The following GABRR2 variants were observed in gnomAD, a reference collection of about 807,000 sequenced individuals.
GABRR2 encodes the protein gamma-aminobutyric acid type A receptor subunit rho2, also known as gamma-aminobutyric acid receptor subunit rho-2.
A neutral mutation model predicts 47.0 loss-of-function variants in GABRR2; 36 were observed. The ratio of observed to expected loss-of-function variants is 0.77; its 90% CI spans 0.59 to 1.01. The LOEUF (loss-of-function observed/expected upper bound fraction) is 1.01. Ranked by LOEUF, GABRR2 falls within the 50% of genes least tolerant of loss-of-function variation. The pLI is 0.00. For synonymous variants in GABRR2, 204 were observed against 227.5 expected (o/e 0.90, Z 0.93); for missense variants, 587 against 594.6 (o/e 0.99, Z 0.13).
At chr6:89,267,629 A>G in intron 6 of GABRR2, 50 bp downstream of exon 6, 1 of 1,552,220 alleles carries the variant, frequency 6.4e-7, no homozygotes, top group Non-Finnish European at 8.7e-7. Context: ...AGAAGAATTC[A>G]AATGTGCTTT....
chr6:89,257,296 G>T lies in GABRR2; in HGVS notation c.*374C>A, dbSNP rs897034319. On this transcript the variant is annotated 3_prime_UTR_variant, in exon 9 of 9. Coordinates refer to ENST00000402938, the MANE Select transcript of GABRR2 (RefSeq NM_002043.5). The stretch of plus-strand genomic sequence containing the variant: ...TCCTATCCAGAATGCCCCTAAGCTT[G>T]TACTTCAGTTTTTCCTTTTCCCTCC... 1.9e-5 allele frequency: 4 copies of T among 205,550 alleles called. No individual in the cohort carries two copies. The highest frequency in any genetic ancestry group is 4.0e-5 in the Non-Finnish European group (4 of 101,174). The allele number at this position is 205,550 out of a possible 1,614,324, so 12.7% of individuals were successfully genotyped here.
Position 89,304,337 on chromosome 6 carries a change from A to AG in GABRR2, c.114-4473dup, listed in dbSNP as rs200033154. Among the ~76,000 whole-genome samples, 556 of 152,332 alleles carry AG rather than the reference A, an allele frequency of 3.6e-3. 7 individuals are homozygous for AG. Among genetic ancestry groups the AG allele is most frequent in the African/African-American group, 0.013 (521 of 41,590 alleles). On this transcript the variant is annotated intron_variant, in intron 1 of 8. Coordinates refer to ENST00000402938, the MANE Select transcript of GABRR2 (RefSeq NM_002043.5). ...TTCCAGCACTTTGAGAGGCTGAGGC[A>AG]GGAGGATCACTTTGAGAAGATGAGG...
At position 89,301,745 on chromosome 6, in the gene GABRR2, G is replaced by C. The variant is rs777370837; in HGVS notation, c.114-1880C>G. On this transcript the variant is annotated intron_variant, in intron 1 of 8. Transcript: ENST00000402938. Reference sequence around the variant, plus strand: ...GAGATGTCAGCAGCCAGCCCAGCCCGCCTGCCCGTCCGCAGCCGCCTGCCA... The same window carrying C: ...GAGATGTCAGCAGCCAGCCCAGCCCCCCTGCCCGTCCGCAGCCGCCTGCCA... 852 of 672,560 alleles carry C rather than the reference G, an allele frequency of 1.3e-3. 3 individuals are homozygous for C. Among genetic ancestry groups the C allele is most frequent in the Non-Finnish European group, 1.8e-3 (667 of 366,592 alleles). The allele number at this position is 672,560 out of a possible 1,614,324, so 41.7% of individuals were successfully genotyped here. A position where few individuals can be genotyped will look rare whatever the true frequency, so the allele number is the denominator to read the frequency against.
intron 2 of GABRR2, among the ~76,000 whole-genome samples, chr6:89,286,514 A>G (rs1049396765): frequency 3.3e-5 from 5 of 152,182 alleles, no homozygotes; most frequent in African/African-American, 1.2e-4. Flanking sequence ...ATCAAGTTGT[A>G]TACCTTAAAT....
intron 2 of GABRR2, among the ~76,000 whole-genome samples, chr6:89,293,978 C>A (rs947680269): frequency 1.3e-5 from 2 of 152,188 alleles, no homozygotes; most frequent in Non-Finnish European, 2.9e-5. Context: ...TTAATCTTTT[C>A]TCTTTCTAGA....
At chr6:89,292,215 A>G (rs1328878704) in intron 2 of GABRR2, among the ~76,000 whole-genome samples, 1 of 151,848 alleles carries the variant, frequency 6.6e-6, no homozygotes, top group Non-Finnish European at 1.5e-5. Context: ...AAAAAATTCC[A>G]TGATGATACT....
intron 2 of GABRR2, among the ~76,000 whole-genome samples, chr6:89,282,706 C>T (rs1031660369): frequency 6.6e-6 from 1 of 152,184 alleles, no homozygotes; most frequent in African/African-American, 2.4e-5. Context: ...CAACAGCAGC[C>T]CAAGCCCACC....
chr6:89,302,816 G>C lies in GABRR2; in HGVS notation c.114-2951C>G, dbSNP rs535752627. On this transcript the variant is annotated intron_variant, in intron 1 of 8. Transcript: ENST00000402938. Reference sequence around the variant, plus strand: ...AGTGGATCCCCAACAACATGAAGGTGGACGTGTGTGACATCCCACCCCCCA... The same window carrying C: ...AGTGGATCCCCAACAACATGAAGGTCGACGTGTGTGACATCCCACCCCCCA... The C allele has an allele frequency of 4.2e-6, 6 of 1,424,594 alleles. No homozygotes were observed. The African/African-American group carries it at 8.6e-5, about 20-fold the overall frequency. The allele number at this position is 1,424,594 out of a possible 1,614,324, so 88.2% of individuals were successfully genotyped here. A position where few individuals can be genotyped will look rare whatever the true frequency, so the allele number is the denominator to read the frequency against.
chr6:89,293,827 T>C (rs997357222), intron 2 of GABRR2, among the ~76,000 whole-genome samples: 16 of 152,140 alleles, frequency 1.1e-4, no homozygotes, highest in African/African-American at 3.4e-4. Context: ...CATTGCAGCA[T>C]TTCTCCCAAC....
intron 1 of GABRR2, among the ~76,000 whole-genome samples, chr6:89,311,382 C>T (rs772809564): frequency 6.6e-6 from 1 of 152,176 alleles, no homozygotes; most frequent in African/African-American, 2.4e-5. Context: ...ATCCCACTGC[C>T]ATTGAGGGCC....
rs1164306539 is a variant in GABRR2 at position 89,280,140 on chromosome 6, T to C, written c.221-8418A>G. Among the ~76,000 whole-genome samples the C allele has an allele frequency of 2.0e-5, 3 of 148,628 alleles. No homozygotes were observed. In the Admixed American group the frequency reaches 2.0e-4, roughly 10 times the overall value. On this transcript the variant is annotated intron_variant, in intron 2 of 8. Coordinates refer to ENST00000402938, the MANE Select transcript of GABRR2 (RefSeq NM_002043.5). ...AGGAGAATCGCTTGAACCCGGGAAG[T>C]GGAGGTTGCAGTGAGCCAAGATCGT... is the stretch of plus-strand genomic sequence containing the variant.
At chr6:89,311,781 A>T (rs1463319235) in intron 1 of GABRR2, among the ~76,000 whole-genome samples, 1 of 152,142 alleles carries the variant, frequency 6.6e-6, no homozygotes, top group East Asian at 1.9e-4. Flanking sequence ...CATCATCCCC[A>T]TGGGGAAGGG....
At position 89,284,187 on chromosome 6, in the gene GABRR2, G is replaced by T. The variant is rs896254193; in HGVS notation, c.221-12465C>A. 4.1e-4 allele frequency among the ~76,000 whole-genome samples: 63 copies of T among 152,238 alleles called. 1 individual carries two copies. The highest frequency in any genetic ancestry group is 1.5e-3 in the African/African-American group (61 of 41,528). On this transcript the variant is annotated intron_variant, in intron 2 of 8. Transcript: ENST00000402938. ...GGAAGTACCAAGGGTACCTTGGGAG[G>T]GGGTGTGAGGGAGCCTTCTGGGAGC...
chr6:89,268,664 G>T (rs1562357480), intron 4 of GABRR2, among the ~76,000 whole-genome samples: 3 of 150,736 alleles, frequency 2.0e-5, no homozygotes, highest in Admixed American at 6.6e-5. Flanking sequence ...GACGGGGGGG[G>T]GCTTTTTTTT....
intron 1 of GABRR2, among the ~76,000 whole-genome samples, chr6:89,307,814 C>CTTTTTT (rs1247224346): frequency 3.2e-5 from 4 of 125,290 alleles, no homozygotes; most frequent in Non-Finnish European, 3.3e-5. Context: ...ACTTCATTCA[C>CTTTTTT]TTTTTTTTTT....
In GABRR2 at chr6:89,264,602, G is replaced by A. The variant is rs371695052; in HGVS notation, c.896C>T (p.Thr299Met). ...GATGGTGGTCATGGTCAGCACCGTCGTGATACCTGCAACACCCGGCCTTAG... is the reference window on the plus strand; with the variant it reads ...GATGGTGGTCATGGTCAGCACCGTCATGATACCTGCAACACCCGGCCTTAG... ...AVPARVSLGI[T>M]TVLTMTTIIT... The change falls in exon 8 of 9, where the codon ACG becomes ATG. Residue 299 changes from threonine (T) to methionine (M), a missense_variant. By Grantham distance (81) the Thr-to-Met change is moderately conservative (BLOSUM62 -1). Coordinates refer to ENST00000402938, the MANE Select transcript of GABRR2 (RefSeq NM_002043.5). 43 of 1,613,980 alleles carry A rather than the reference G, an allele frequency of 2.7e-5. No homozygotes were observed. The highest frequency in any genetic ancestry group is 3.3e-5 in the South Asian group (3 of 91,080).
At chr6:89,287,293 G>A (rs1449489261) in intron 2 of GABRR2, among the ~76,000 whole-genome samples, 1 of 152,244 alleles carries the variant, frequency 6.6e-6, no homozygotes, top group African/African-American at 2.4e-5. Flanking sequence ...TGCTAAAGTA[G>A]CCAGCAAGGT....
chr6:89,272,821 C>T (rs946015783), intron 2 of GABRR2, among the ~76,000 whole-genome samples: 1 of 152,208 alleles, frequency 6.6e-6, no homozygotes, highest in Non-Finnish European at 1.5e-5. Context: ...AGACTTTGGC[C>T]ATGGGCGGGG....
At chr6:89,265,054 T>G (rs1773858263) in intron 7 of GABRR2, among the ~76,000 whole-genome samples, 1 of 152,138 alleles carries the variant, frequency 6.6e-6, no homozygotes, top group Admixed American at 6.5e-5. Context: ...GCGGGATTCT[T>G]CTTCACTCTG....
Sources: allele counts gnomAD v4.1 joint callset (sites outside exome capture counted in the v4.1 genomes callset), GRCh38; gene constraint gnomAD v4.1.1; transcripts MANE v1.5; gene names NCBI Gene and HGNC (gene_info 2026-07-23, HGNC 2026-07-21).